ZNF385B: variants seen among roughly 807,000 people sequenced by gnomAD.
The protein encoded by ZNF385B is zinc finger protein 385B, also known as zinc finger protein 533.
In ZNF385B, 23 loss-of-function variants were observed where a neutral mutation model predicts 39.2. The observed-to-expected ratio is 0.59, with a 90% CI of 0.42 to 0.83. The LOEUF is 0.83. ZNF385B is among the 40% of genes least tolerant of loss of function. The pLI, the probability that ZNF385B is intolerant of heterozygous loss-of-function variation, is 0.00. For missense variants in ZNF385B, 552 were observed against 598.9 expected (o/e 0.92, Z 0.82); for synonymous variants, 205 against 222.6 (o/e 0.92, Z 0.70).
intron 1 of ZNF385B, among the ~76,000 whole-genome samples, chr2:179,847,974 G>A (rs549223466): frequency 6.6e-6 from 1 of 152,244 alleles, no homozygotes; most frequent in Admixed American, 6.5e-5. Flanking sequence ...TTGGACAGAG[G>A]GTCCATGGTG....
At chr2:179,568,375 T>C (rs1179698564) in intron 3 of ZNF385B, among the ~76,000 whole-genome samples, 2 of 152,200 alleles carry the variant, frequency 1.3e-5, no homozygotes, top group East Asian at 1.9e-4. Flanking sequence ...TACTAAAATA[T>C]AATCTCCACA....
At chr2:179,493,144 T>C (rs547159256) in intron 5 of ZNF385B, among the ~76,000 whole-genome samples, 1 of 152,254 alleles carries the variant, frequency 6.6e-6, no homozygotes, top group South Asian at 2.1e-4. Context: ...ACAAAAGTCA[T>C]ACATATAATA....
chr2:179,667,165 T>C (rs777839251), intron 3 of ZNF385B, among the ~76,000 whole-genome samples: 16 of 152,180 alleles, frequency 1.1e-4, no homozygotes, highest in Non-Finnish European at 2.4e-4. Flanking sequence ...AATTCAGAGA[T>C]ATTGATATGC....
intron 6 of ZNF385B, among the ~76,000 whole-genome samples, chr2:179,460,642 G>T (rs1250473450): frequency 6.6e-6 from 1 of 152,088 alleles, no homozygotes; most frequent in Non-Finnish European, 1.5e-5. Flanking sequence ...CCTAAGATGG[G>T]TTTTTTGAGA....
intron 6 of ZNF385B, 33 bp from the exon 7 acceptor site, chr2:179,446,803 CTCATATA>C: frequency 6.4e-7 from 1 of 1,558,114 alleles, no homozygotes; most frequent in Non-Finnish European, 8.6e-7. Context: ...TTATTGAAGC[CTCATATA>C]TCATATAAAC....
intron 6 of ZNF385B, among the ~76,000 whole-genome samples, chr2:179,470,258 G>A (rs2052589698): frequency 6.6e-6 from 1 of 152,178 alleles, no homozygotes; most frequent in African/African-American, 2.4e-5. Context: ...AGGATGACAG[G>A]CATCAACCAG....
intron 5 of ZNF385B, among the ~76,000 whole-genome samples, chr2:179,517,926 G>GA (rs577593610): frequency 6.6e-6 from 1 of 152,000 alleles, no homozygotes; most frequent in Non-Finnish European, 1.5e-5. Context: ...TATGTTCTGG[G>GA]AAAAATATAG....
intron 3 of ZNF385B, chr2:179,745,578 T>C: frequency 1.4e-6 from 1 of 698,100 alleles, no homozygotes; most frequent in Non-Finnish European, 2.1e-6. Context: ...GCTCTTCAGC[T>C]TTGCTCCTTC....
intron 5 of ZNF385B, among the ~76,000 whole-genome samples, chr2:179,500,841 A>G (rs2105725274): frequency 6.6e-6 from 1 of 152,322 alleles, no homozygotes. Flanking sequence ...CAAACTACCT[A>G]TCTGACAAGG....
intron 3 of ZNF385B, among the ~76,000 whole-genome samples, chr2:179,628,906 C>A (rs1690924014): frequency 6.6e-6 from 1 of 152,048 alleles, no homozygotes. Context: ...GAATTTATAC[C>A]CTCATATCCT....
At chr2:179,782,149 C>A (rs1463809365) in intron 1 of ZNF385B, among the ~76,000 whole-genome samples, 5 of 152,168 alleles carry the variant, frequency 3.3e-5, no homozygotes, top group Admixed American at 3.3e-4. Context: ...ATAAAGTAGG[C>A]TTCATCCCTG....
intron 3 of ZNF385B, among the ~76,000 whole-genome samples, chr2:179,740,135 A>G (rs764000141): frequency 1.5e-4 from 23 of 152,168 alleles, no homozygotes; most frequent in Non-Finnish European, 1.2e-4. Flanking sequence ...AAGAATCCTG[A>G]GTAAAGAAAT....
intron 1 of ZNF385B, among the ~76,000 whole-genome samples, chr2:179,784,403 C>A (rs1704860097): frequency 1.3e-5 from 2 of 151,834 alleles, no homozygotes; most frequent in Non-Finnish European, 1.5e-5. Flanking sequence ...ATAATCTGTA[C>A]AACAAACCCT....
intron 3 of ZNF385B, among the ~76,000 whole-genome samples, chr2:179,681,551 C>G (rs750891407): frequency 5.9e-5 from 9 of 152,004 alleles, no homozygotes; most frequent in Non-Finnish European, 1.2e-4. Context: ...GACTGTGATC[C>G]CTTTGTATAG....
intron 3 of ZNF385B, among the ~76,000 whole-genome samples, chr2:179,649,955 G>A (rs1352896451): frequency 4.6e-5 from 7 of 152,140 alleles, no homozygotes; most frequent in Non-Finnish European, 8.8e-5. Context: ...ACGTTTCCCA[G>A]TATTAGCACC....
At chr2:179,706,171 T>G (rs1434619276) in intron 3 of ZNF385B, among the ~76,000 whole-genome samples, 1 of 152,194 alleles carries the variant, frequency 6.6e-6, no homozygotes, top group Non-Finnish European at 1.5e-5. Flanking sequence ...CCCATGGAAT[T>G]CAGTCTGTAC....
At chr2:179,522,824 T>C in intron 4 of ZNF385B, 1 of 383,332 alleles carries the variant, frequency 2.6e-6, no homozygotes, top group Non-Finnish European at 5.3e-6. Context: ...ATACTAAAGA[T>C]GCTTTTTTAA....
intron 3 of ZNF385B, among the ~76,000 whole-genome samples, chr2:179,709,428 C>T (rs897704550): frequency 6.6e-6 from 1 of 152,170 alleles, no homozygotes; most frequent in Non-Finnish European, 1.5e-5. Flanking sequence ...TAGTAGGGCA[C>T]CCCCTTTGGG....
At chr2:179,448,273 A>G (rs1176536021) in intron 6 of ZNF385B, among the ~76,000 whole-genome samples, 1 of 152,100 alleles carries the variant, frequency 6.6e-6, no homozygotes, top group East Asian at 1.9e-4. Context: ...ATTGGATAAT[A>G]TTTTAGGCCT....
Sources: allele counts gnomAD v4.1 joint callset (sites outside exome capture counted in the v4.1 genomes callset), GRCh38; gene constraint gnomAD v4.1.1; transcripts MANE v1.5; gene names NCBI Gene and HGNC (gene_info 2026-07-23, HGNC 2026-07-21).